The following PDE8A variants were observed in gnomAD, a reference collection of about 807,000 sequenced individuals.
The protein encoded by PDE8A is phosphodiesterase 8A, also known as high affinity cAMP-specific and IBMX-insensitive 3',5'-cyclic phosphodiesterase 8A.
In PDE8A, 59 loss-of-function variants were observed where a neutral mutation model predicts 105.0. The observed-to-expected ratio is 0.56, with a 90% CI of 0.46 to 0.70. The LOEUF is 0.70. Among genes scored for constraint, PDE8A ranks in the 30% least tolerant of loss-of-function variants. PDE8A has a pLI of 0.00. For synonymous variants in PDE8A, 355 were observed against 371.9 expected, an observed-to-expected ratio of 0.95 and a Z score of 0.52; for missense variants, 1,014 against 1,045.9, an observed-to-expected ratio of 0.97 and a Z score of 0.42.
intron 18 of PDE8A, 143 bp downstream of exon 18, chr15:85,121,157 A>G (rs962971110): frequency 1.0e-5 from 6 of 592,244 alleles, no homozygotes; most frequent in Admixed American, 3.3e-5. Flanking sequence ...GCTCATGCCT[A>G]TAATCCCAGC....
chr15:85,128,713 A>C (rs987165612), intron 20 of PDE8A, among the ~76,000 whole-genome samples: 4 of 152,226 alleles, frequency 2.6e-5, no homozygotes, highest in African/African-American at 9.6e-5. Flanking sequence ...AATTTATTAT[A>C]GGCAAGTATT....
rs554357922 is a variant in PDE8A, at chr15:85,032,920, A to T, written c.187-31450A>T. ...CATGTGTTACTCCATATTCAAAAAA[A>T]TTTTTTAAGCCATTTTGTTTATGGA... is the stretch of plus-strand genomic sequence containing the variant. On this transcript the variant is annotated intron_variant, in intron 1 of 21. Coordinates refer to ENST00000394553, the MANE Select transcript of PDE8A (RefSeq NM_002605.3). 5.3e-5 allele frequency among the ~76,000 whole-genome samples: 8 copies of T among 152,218 alleles called. No homozygotes were observed. The South Asian group carries it at 1.2e-3, about 24-fold the overall frequency.
intron 1 of PDE8A, among the ~76,000 whole-genome samples, chr15:85,034,327 A>G (rs939716728): frequency 5.9e-5 from 9 of 152,250 alleles, no homozygotes; most frequent in Non-Finnish European, 1.0e-4. Context: ...AATCTAGTCG[A>G]AGATAAACTT....
chr15:85,111,661 T>TA (rs2082022798), intron 12 of PDE8A, among the ~76,000 whole-genome samples: 1 of 152,208 alleles, frequency 6.6e-6, no homozygotes, highest in Non-Finnish European at 1.5e-5. Context: ...CCTTGGCCGT[T>TA]CTAGGTCCTT....
chr15:84,985,323 A>C (rs1472148128), intron 1 of PDE8A, among the ~76,000 whole-genome samples: 2 of 152,246 alleles, frequency 1.3e-5, no homozygotes, highest in East Asian at 1.9e-4. Context: ...TATTACTAAA[A>C]ATACCCTCTG....
intron 20 of PDE8A, among the ~76,000 whole-genome samples, chr15:85,134,756 GCTT>G (rs987593910): frequency 1.3e-5 from 2 of 152,186 alleles, no homozygotes; most frequent in African/African-American, 4.8e-5. Context: ...AGGTTCGCCT[GCTT>G]CTCTCAAGTA....
chr15:85,056,997 G>A (rs1231816326), intron 1 of PDE8A, among the ~76,000 whole-genome samples: 1 of 152,262 alleles, frequency 6.6e-6, no homozygotes, highest in Non-Finnish European at 1.5e-5. Context: ...TGGGGTTTTG[G>A]TGTGGATGTC....
chr15:85,089,312 A>T (rs1269348828), intron 6 of PDE8A, 26 bp from the exon 7 acceptor site: 5 of 1,186,784 alleles, frequency 4.2e-6, no homozygotes, highest in South Asian at 1.3e-5. Context: ...TACATTAATC[A>T]TTCCTTTTTT....
Position 85,064,355 on chromosome 15 carries a change from A to T in PDE8A, c.187-15A>T. The T allele has an allele frequency of 6.3e-7, 1 of 1,593,656 alleles. No homozygotes were observed. The highest frequency in any genetic ancestry group is 1.3e-5 in the African/African-American group (1 of 74,488). ...CCGTTGTCTTTTCATTTTTAAGCCA[A>T]TCTCTTTCTTACAGGTAGCAGTAGC... is the stretch of plus-strand genomic sequence containing the variant. On this transcript the variant is annotated splice_polypyrimidine_tract_variant and intron_variant, in intron 1 of 21. Coordinates refer to ENST00000394553, the MANE Select transcript of PDE8A (RefSeq NM_002605.3).
chr15:85,035,468 C>A (rs1163443405), intron 1 of PDE8A, among the ~76,000 whole-genome samples: 1 of 152,072 alleles, frequency 6.6e-6, no homozygotes, highest in Non-Finnish European at 1.5e-5. Flanking sequence ...CCTCGGCCTC[C>A]CTAAGTGCTG....
intron 1 of PDE8A, among the ~76,000 whole-genome samples, chr15:85,052,941 G>A (rs1567251703): frequency 6.6e-6 from 1 of 152,066 alleles, no homozygotes. Flanking sequence ...TTCTTCCTGG[G>A]GTTTTTATGG....
chr15:85,099,249 G>A (rs1198630027), intron 9 of PDE8A, among the ~76,000 whole-genome samples: 5 of 152,210 alleles, frequency 3.3e-5, no homozygotes, highest in Non-Finnish European at 1.5e-5. Flanking sequence ...GGAAACTGAG[G>A]CTTAGAGAGG....
At chr15:85,090,655 T>G in intron 7 of PDE8A, 1 of 355,888 alleles carries the variant, frequency 2.8e-6, no homozygotes, top group Non-Finnish European at 5.9e-6. Context: ...ACAGCCTGAG[T>G]GTTTTGCACT....
At chr15:85,065,451 G>A (rs1341316162) in intron 2 of PDE8A, among the ~76,000 whole-genome samples, 1 of 148,542 alleles carries the variant, frequency 6.7e-6, no homozygotes, top group East Asian at 2.0e-4. Context: ...CCTGCACAAT[G>A]TGCACATGTA....
chr15:85,079,193 T>A (rs1187649918), intron 5 of PDE8A, among the ~76,000 whole-genome samples: 2 of 152,232 alleles, frequency 1.3e-5, no homozygotes, highest in Non-Finnish European at 2.9e-5. Flanking sequence ...AATATTCTTT[T>A]AAAAGAAGGG....
In PDE8A at chr15:85,117,639, AG is replaced by A; in HGVS notation, c.1536del. ...ATATTGTGGGGTTTTTTCTGTCTAT[AG>A]GCCTTTGATTTATCTTGGTCTCAAA... is the stretch of plus-strand genomic sequence containing the variant. On this transcript the variant is annotated splice_acceptor_variant, in intron 16 of 21. Transcript: ENST00000394553. LOFTEE classifies it high-confidence loss of function. 6.2e-7 allele frequency: 1 copy of A among 1,612,990 alleles called. No individual in the cohort carries two copies. Among genetic ancestry groups the A allele is most frequent in the Non-Finnish European group, 8.5e-7 (1 of 1,179,016 alleles).
chr15:85,064,971 C>CA (rs1417666338), intron 2 of PDE8A, among the ~76,000 whole-genome samples: 10 of 150,690 alleles, frequency 6.6e-5, no homozygotes, highest in African/African-American at 2.0e-4. Context: ...GACCCTGTCT[C>CA]AAACAAACAA....
chr15:85,044,611 G>A (rs1172124579), intron 1 of PDE8A, among the ~76,000 whole-genome samples: 1 of 152,178 alleles, frequency 6.6e-6, no homozygotes, highest in East Asian at 1.9e-4. Flanking sequence ...TCTTAGTGAT[G>A]GAATCAGTGT....
chr15:85,087,692 C>G (rs998276185), intron 6 of PDE8A, among the ~76,000 whole-genome samples: 3 of 151,848 alleles, frequency 2.0e-5, no homozygotes, highest in Admixed American at 1.3e-4. Flanking sequence ...ATAATATAAT[C>G]TTAGAATATT....
Sources: gnomAD v4.1 joint callset for allele counts (sites outside exome capture counted in the v4.1 genomes callset) on GRCh38, gnomAD v4.1.1 for gene constraint, MANE v1.5 for transcripts, NCBI Gene and HGNC (gene_info 2026-07-23, HGNC 2026-07-21) for gene names.